Variants in KATNA1 observed in about 807,000 individuals in gnomAD.
The protein encoded by KATNA1 is katanin catalytic subunit A1, also known as katanin p60 ATPase-containing subunit A1.
In KATNA1, 42 loss-of-function variants were observed where a neutral mutation model predicts 62.6. The ratio of observed to expected loss-of-function variants is 0.67; its 90% CI spans 0.52 to 0.87. The LOEUF is 0.87. Among genes scored for constraint, KATNA1 ranks in the 40% least tolerant of loss-of-function variants. KATNA1 has a pLI of 0.00. For synonymous variants in KATNA1, 186 were observed against 201.9 expected, an observed-to-expected ratio of 0.92 and a Z score of 0.67; for missense variants, 498 against 612.5, an observed-to-expected ratio of 0.81 and a Z score of 1.97.
chr6:149,605,633 G>A (rs937571966), intron 4 of KATNA1, among the ~76,000 whole-genome samples: 1 of 152,192 alleles, frequency 6.6e-6, no homozygotes, highest in Admixed American at 6.6e-5. Context: ...AACTCACGAG[G>A]TATTGTGGGA....
intron 4 of KATNA1, among the ~76,000 whole-genome samples, chr6:149,613,300 G>T (rs1779040969): frequency 6.7e-6 from 1 of 148,454 alleles, no homozygotes; most frequent in Non-Finnish European, 1.5e-5. Context: ...CTAAAATCAG[G>T]AACAGGAACA....
chr6:149,614,978 C>A (rs1221662785), intron 4 of KATNA1, among the ~76,000 whole-genome samples: 6 of 151,516 alleles, frequency 4.0e-5, no homozygotes, highest in Admixed American at 4.0e-4. Flanking sequence ...ACTAAAAATA[C>A]AAAAATTAGC....
At chr6:149,627,913 T>A (rs1311607264) in intron 3 of KATNA1, among the ~76,000 whole-genome samples, 1 of 151,838 alleles carries the variant, frequency 6.6e-6, no homozygotes, top group Non-Finnish European at 1.5e-5. Flanking sequence ...CTGTAAGAAC[T>A]TAGGTTCCAG....
At chr6:149,648,833 A>G (rs866384006), upstream of KATNA1, 1 of 152,440 alleles carries the variant, frequency 6.6e-6, no homozygotes, top group Non-Finnish European at 1.5e-5. Flanking sequence ...CGGCGGACGC[A>G]GCGGAGACCA....
chr6:149,623,058 C>A lies in KATNA1; in HGVS notation c.501+45G>T, dbSNP rs760945729. 9 of 1,364,544 alleles carry A rather than the reference C, an allele frequency of 6.6e-6. No individual in the cohort carries two copies. In the East Asian group the frequency reaches 2.1e-4, roughly 32 times the overall value. 84.5% of individuals were successfully genotyped at this position (1,364,544 alleles called of 1,614,324 possible). A position where few individuals can be genotyped will look rare whatever the true frequency, so the allele number is the denominator to read the frequency against. On this transcript the variant is annotated intron_variant, in intron 4 of 10. Coordinates refer to ENST00000367411, the MANE Select transcript of KATNA1 (RefSeq NM_007044.4). ...TAAATTTGTACAGTCTTCATTTTTACGGTTCAAAAATAACTTTCATTTATA... is the reference window on the plus strand; with the variant it reads ...TAAATTTGTACAGTCTTCATTTTTAAGGTTCAAAAATAACTTTCATTTATA...
intron 3 of KATNA1, among the ~76,000 whole-genome samples, chr6:149,631,872 T>A (rs1250605849): frequency 6.6e-6 from 1 of 152,192 alleles, no homozygotes; most frequent in African/African-American, 2.4e-5. Context: ...TAGTTGTTCA[T>A]CTGCTGGCAC....
intron 4 of KATNA1, among the ~76,000 whole-genome samples, chr6:149,618,910 A>T (rs1001888315): frequency 3.9e-5 from 6 of 152,242 alleles, no homozygotes; most frequent in African/African-American, 1.4e-4. Flanking sequence ...GCTTCAGGAC[A>T]TTGGTCTGGG....
chr6:149,633,952 CG>C (rs1779957393), intron 2 of KATNA1, among the ~76,000 whole-genome samples: 1 of 149,188 alleles, frequency 6.7e-6, no homozygotes. Context: ...AGTGAAACTC[CG>C]GCTCAAATAA....
intron 3 of KATNA1, among the ~76,000 whole-genome samples, chr6:149,631,888 A>G (rs1231217281): frequency 6.6e-6 from 1 of 152,224 alleles, no homozygotes; most frequent in Non-Finnish European, 1.5e-5. Context: ...GGCACTTGGT[A>G]GTAGGAAGTT....
At chr6:149,625,224 TAAAG>T (rs1779561351) in intron 3 of KATNA1, among the ~76,000 whole-genome samples, 2 of 152,066 alleles carry the variant, frequency 1.3e-5, no homozygotes, top group East Asian at 1.9e-4. Flanking sequence ...GATATACTGA[TAAAG>T]AAAACACAGA....
chr6:149,624,397 C>T (rs1395340340), intron 3 of KATNA1, among the ~76,000 whole-genome samples: 1 of 152,084 alleles, frequency 6.6e-6, no homozygotes, highest in East Asian at 1.9e-4. Flanking sequence ...CACCTCATTT[C>T]ACCTTTATGT....
intron 4 of KATNA1, 109 bp downstream of exon 4, chr6:149,622,994 G>T: frequency 1.2e-6 from 1 of 818,714 alleles, no homozygotes; most frequent in Non-Finnish European, 1.8e-6. Context: ...GGGTGACAGA[G>T]TGAGACTGTC....
In KATNA1 at chr6:149,623,167, T is replaced by C; in HGVS notation, c.437A>G (p.Asn146Ser). The change falls in exon 4 of 11, where the codon AAT becomes AGT. Residue 146 changes from asparagine to serine, a missense_variant. Asn to Ser is a conservative substitution (Grantham distance 46). This residue lies in a region of KATNA1 where 203 missense variants were observed against 198.4 expected (regional missense o/e 1.02). Coordinates refer to ENST00000367411, the MANE Select transcript of KATNA1 (RefSeq NM_007044.4). ...VHRSSAQNVH[N>S]DRGKAVRCRE... ...ACAACGAACAGCTTTCCCTCTGTCA[T>C]TGTGAACATTCTGTGCAGATGAACG... 1 of 1,613,274 alleles carries C rather than the reference T, an allele frequency of 6.2e-7. No homozygotes were observed. The highest frequency in any genetic ancestry group is 1.1e-5 in the South Asian group (1 of 90,822).
rs770023141 is a variant in KATNA1 at position 149,632,769 on chromosome 6, C to T, written c.310G>A (p.Val104Ile). Reference protein sequence around the residue: ...EGEVWSMPVPVERRPSPGPRK... With the variant: ...EGEVWSMPVPIERRPSPGPRK... Reference sequence around the variant, plus strand: ...AAGGTTTCCACTTACCTTCGTTCAACAGGTACAGGCATGGACCAGACTTCT... The same window carrying T: ...AAGGTTTCCACTTACCTTCGTTCAATAGGTACAGGCATGGACCAGACTTCT... The change falls in exon 3 of 11, where the codon GTT (valine) becomes ATT (isoleucine). Residue 104 changes from valine to isoleucine, a missense_variant. Around this residue, in one of 3 missense-constraint regions of KATNA1, gnomAD observed 203 missense variants for 198.4 expected, o/e 1.02. Transcript: ENST00000367411. The T allele has an allele frequency of 5.6e-6, 9 of 1,601,308 alleles. 2 individuals are homozygous for T. The highest frequency in any genetic ancestry group is 8.5e-7 in the Non-Finnish European group (1 of 1,177,060).
intron 1 of KATNA1, 167 bp from the exon 2 acceptor site, chr6:149,638,727 A>C (rs80258401): frequency 1.2e-5 from 3 of 241,160 alleles, no homozygotes; most frequent in Non-Finnish European, 2.2e-5. Flanking sequence ...TAAAAAAAAC[A>C]TTGTTTTTTT....
chr6:149,631,193 T>G (rs1779819278), intron 3 of KATNA1, among the ~76,000 whole-genome samples: 1 of 151,224 alleles, frequency 6.6e-6, no homozygotes, highest in Non-Finnish European at 1.5e-5. Flanking sequence ...AGGTCAGGAG[T>G]TCGAGACCAG....
chr6:149,607,033 G>A (rs759906654), intron 4 of KATNA1, among the ~76,000 whole-genome samples: 6 of 152,166 alleles, frequency 3.9e-5, no homozygotes, highest in Non-Finnish European at 7.4e-5. Context: ...AGCAGCTATG[G>A]AGAACAGGAA....
chr6:149,640,538 G>GT (rs1221983247), intron 1 of KATNA1, among the ~76,000 whole-genome samples: 2 of 151,722 alleles, frequency 1.3e-5, no homozygotes, highest in African/African-American at 4.8e-5. Context: ...GTTTTTTTGG[G>GT]TTTTTTTGGG....
At chr6:149,601,483 C>T (rs1055434295) in intron 7 of KATNA1, 111 bp downstream of exon 7, 14 of 907,082 alleles carry the variant, frequency 1.5e-5, no homozygotes, top group Non-Finnish European at 2.1e-5. Context: ...GACTCATACT[C>T]TGGGCAAAAT....
Sources: allele counts gnomAD v4.1 joint callset (sites outside exome capture counted in the v4.1 genomes callset), GRCh38; gene constraint gnomAD v4.1.1; regional missense constraint gnomAD v4.1.1; transcripts MANE v1.5; gene names NCBI Gene and HGNC (gene_info 2026-07-23, HGNC 2026-07-21).